Variants in FGF14 observed in about 807,000 individuals in gnomAD.
FGF14 encodes the protein fibroblast growth factor 14, also known as fibroblast growth factor homologous factor 4.
A neutral mutation model predicts 25.5 loss-of-function variants in FGF14; 5 were observed. The observed-to-expected ratio is 0.20, with a 90% CI of 0.10 to 0.41. The LOEUF (loss-of-function observed/expected upper bound fraction) is 0.41. Ranked by LOEUF, FGF14 falls within the 10% of genes least tolerant of loss-of-function variation. The pLI is 1.00. For missense variants in FGF14, 222 were observed against 320.1 expected, an observed-to-expected ratio of 0.69 and a Z score of 2.34; for synonymous variants, 138 against 118.3, an observed-to-expected ratio of 1.17 and a Z score of -1.08.
At chr13:101,920,378 G>A (rs1347756825), upstream of FGF14, among the ~76,000 whole-genome samples, 1 of 152,104 alleles carries the variant, frequency 6.6e-6, no homozygotes, top group Non-Finnish European at 1.5e-5. Flanking sequence ...TCTTGACTCT[G>A]CAACTTCCTA....
intron 3 of FGF14, among the ~76,000 whole-genome samples, chr13:101,752,005 C>T (rs1269460389): frequency 6.6e-6 from 1 of 152,146 alleles, no homozygotes; most frequent in Non-Finnish European, 1.5e-5. Flanking sequence ...GCAGAGACTA[C>T]TGTGGAGAAT....
chr13:102,161,587 AAG>A (rs1244127163), intron 1 of FGF14, among the ~76,000 whole-genome samples: 314 of 3,600 alleles, frequency 0.087, 24 homozygotes, highest in African/African-American at 0.12. Flanking sequence ...GAAGAAGAAG[AAG>A]AAGAAGAAGA....
chr13:102,386,054 ACT>A (rs1455452314), intron 1 of FGF14, among the ~76,000 whole-genome samples: 2 of 152,036 alleles, frequency 1.3e-5, no homozygotes, highest in Non-Finnish European at 2.9e-5. Flanking sequence ...AACAGTACTA[ACT>A]CTTATTATTT....
At chr13:101,884,230 T>A (rs2045877878) in intron 1 of FGF14, among the ~76,000 whole-genome samples, 1 of 151,970 alleles carries the variant, frequency 6.6e-6, no homozygotes, top group Non-Finnish European at 1.5e-5. Flanking sequence ...TAGGTGGACA[T>A]CCCAGTGTTC....
intron 1 of FGF14, among the ~76,000 whole-genome samples, chr13:102,336,286 C>A (rs1389286992): frequency 6.6e-6 from 1 of 152,138 alleles, no homozygotes; most frequent in Non-Finnish European, 1.5e-5. Flanking sequence ...GAAAGTGAGA[C>A]CGCCTTATTG....
intron 1 of FGF14, chr13:101,967,695 T>TC (rs947987913): frequency 1.3e-5 from 2 of 154,154 alleles, no homozygotes; most frequent in African/African-American, 4.8e-5. Flanking sequence ...TACTGAAGAG[T>TC]CTTTGGGCAG....
At chr13:101,953,067 T>C (rs982025106) in intron 1 of FGF14, among the ~76,000 whole-genome samples, 1 of 152,022 alleles carries the variant, frequency 6.6e-6, no homozygotes, top group Non-Finnish European at 1.5e-5. Context: ...TGGAAAGTTG[T>C]GTAGATAGCC....
At chr13:102,092,867 T>TA (rs964936970) in intron 1 of FGF14, among the ~76,000 whole-genome samples, 4 of 152,044 alleles carry the variant, frequency 2.6e-5, no homozygotes, top group Non-Finnish European at 4.4e-5. Flanking sequence ...AAAATGATTC[T>TA]AAAAATCAAT....
chr13:102,219,094 A>G (rs940969330), intron 1 of FGF14, among the ~76,000 whole-genome samples: 13 of 152,182 alleles, frequency 8.5e-5, no homozygotes, highest in Non-Finnish European at 1.5e-4. Flanking sequence ...TATTCCAATT[A>G]TACTCTTAGT....
At chr13:101,902,324 G>T (rs1243423726) in intron 1 of FGF14, among the ~76,000 whole-genome samples, 4 of 151,334 alleles carry the variant, frequency 2.6e-5, no homozygotes, top group Non-Finnish European at 5.9e-5. Context: ...GGCTTTTCTT[G>T]TGTCTATCTA....
At chr13:101,907,810 G>C (rs1239385081) in intron 1 of FGF14, among the ~76,000 whole-genome samples, 1 of 152,118 alleles carries the variant, frequency 6.6e-6, no homozygotes, top group Non-Finnish European at 1.5e-5. Flanking sequence ...ACAGTAGGAT[G>C]ATGCAGAAGA....
At chr13:101,828,336 T>C (rs2042499608) in intron 3 of FGF14, among the ~76,000 whole-genome samples, 1 of 152,056 alleles carries the variant, frequency 6.6e-6, no homozygotes, top group Admixed American at 6.6e-5. Flanking sequence ...GAGAATTGAA[T>C]ATGCACACTG....
chr13:101,831,658 T>C lies in FGF14; in HGVS notation c.408+37067A>G, dbSNP rs115232496. Among the ~76,000 whole-genome samples, 1,313 of 152,208 alleles carry C rather than the reference T, an allele frequency of 8.6e-3. 27 individuals are homozygous for C. The highest frequency in any genetic ancestry group is 0.03 in the African/African-American group (1,256 of 41,556). On this transcript the variant is annotated intron_variant, in intron 3 of 4. Coordinates refer to ENST00000376143, the MANE Select transcript of FGF14 (RefSeq NM_004115.4). ...AATTTGAGAATTCATTATTCACTCA[T>C]TTAGTAAGCATTTACTTTTCTACTG...
chr13:102,185,100 AT>A (rs913340895), intron 1 of FGF14, among the ~76,000 whole-genome samples: 9 of 152,188 alleles, frequency 5.9e-5, no homozygotes, highest in African/African-American at 2.2e-4. Flanking sequence ...ATTTTTAAAA[AT>A]ACACTAAGAA....
intron 3 of FGF14, among the ~76,000 whole-genome samples, chr13:101,859,631 T>C (rs1235912574): frequency 6.6e-6 from 1 of 152,142 alleles, no homozygotes; most frequent in Non-Finnish European, 1.5e-5. Context: ...TTGCAAACCC[T>C]TTTGTTAGTA....
chr13:101,889,020 A>T (rs561336884), intron 1 of FGF14, among the ~76,000 whole-genome samples: 2 of 152,284 alleles, frequency 1.3e-5, no homozygotes, highest in South Asian at 4.1e-4. Context: ...TTAGGACCTC[A>T]GACAACTACA....
chr13:101,734,786 C>T lies in FGF14; in HGVS notation c.409-7976G>A, dbSNP rs533112843. ...ATCCCCATTTTAGAACTGAAGAAAC[C>T]GAGGCACAGAAGGTTGAAGTAACTT... On this transcript the variant is annotated intron_variant, in intron 3 of 4. Coordinates refer to ENST00000376143, the MANE Select transcript of FGF14 (RefSeq NM_004115.4). 1.2e-4 allele frequency among the ~76,000 whole-genome samples: 19 copies of T among 152,010 alleles called. 1 individual carries two copies. The highest frequency in any genetic ancestry group is 2.4e-4 in the Non-Finnish European group (16 of 67,998).
At chr13:101,942,536 T>C (rs2139325450) in intron 1 of FGF14, among the ~76,000 whole-genome samples, 1 of 152,334 alleles carries the variant, frequency 6.6e-6, no homozygotes, top group African/African-American at 2.4e-5. Context: ...CTCCAGTGTA[T>C]CTTATGCATC....
At chr13:102,207,753 A>C (rs1029279554) in intron 1 of FGF14, among the ~76,000 whole-genome samples, 1 of 152,112 alleles carries the variant, frequency 6.6e-6, no homozygotes, top group Non-Finnish European at 1.5e-5. Flanking sequence ...GTCTGTGCTG[A>C]ATGTTTGACA....
Sources: allele counts gnomAD v4.1 joint callset (sites outside exome capture counted in the v4.1 genomes callset), GRCh38; gene constraint gnomAD v4.1.1; transcripts MANE v1.5; gene names NCBI Gene and HGNC (gene_info 2026-07-23, HGNC 2026-07-21).